RAI14: variants seen among roughly 807,000 people sequenced by gnomAD.
RAI14 encodes the protein ankycorbin.
Under a neutral mutation model 115.4 loss-of-function variants are expected in RAI14, and 45 were observed. That is an observed-to-expected ratio of 0.39 (90% CI 0.31 to 0.50). The LOEUF (loss-of-function observed/expected upper bound fraction) is 0.50, where lower values mean the gene tolerates loss of function less well. RAI14 is among the 20% of genes least tolerant of loss of function. The pLI, the probability that RAI14 is intolerant of heterozygous loss-of-function variation, is 0.85. For missense variants in RAI14, 939 were observed against 1,131.2 expected, an observed-to-expected ratio of 0.83 and a Z score of 2.44; for synonymous variants, 371 against 415.4, an observed-to-expected ratio of 0.89 and a Z score of 1.30.
chr5:34,807,842 G>C lies in RAI14; in HGVS notation c.364G>C (p.Ala122Pro), dbSNP rs1755110544. The stretch of plus-strand genomic sequence containing the variant: ...AAGTGTCGACAGCTCTGGGAAAACA[G>C]CTTTACATTATGCAGGTAACTTTCA... ...AESVDSSGKT[A>P]LHYAAAQGCL... is the part of the protein sequence containing the mutation. The change falls in exon 6 of 18, where the codon GCT becomes CCT. Residue 122 changes from alanine (A) to proline (P), a missense_variant. Transcript: ENST00000265109. 6.2e-7 allele frequency: 1 copy of C among 1,611,284 alleles called. No individual in the cohort carries two copies. Among genetic ancestry groups the C allele is most frequent in the African/African-American group, 1.3e-5 (1 of 75,006 alleles).
chr5:34,780,932 G>T (rs1308935670), intron 3 of RAI14, among the ~76,000 whole-genome samples: 2 of 152,110 alleles, frequency 1.3e-5, no homozygotes, highest in African/African-American at 4.8e-5. Context: ...TATGTTTATT[G>T]CGGCACTATT....
chr5:34,714,212 A>G (rs904366380), intron 2 of RAI14, among the ~76,000 whole-genome samples: 11 of 152,194 alleles, frequency 7.2e-5, no homozygotes, highest in South Asian at 2.1e-4. Context: ...AAGCTCTATT[A>G]CCATATTTCT....
intron 2 of RAI14, among the ~76,000 whole-genome samples, chr5:34,707,696 G>T (rs1350894389): frequency 6.6e-6 from 1 of 152,106 alleles, no homozygotes; most frequent in Admixed American, 6.5e-5. Flanking sequence ...AGTCTCCCCA[G>T]TACCTCGTCA....
chr5:34,672,841 A>G (rs896707513), intron 1 of RAI14, among the ~76,000 whole-genome samples: 2 of 145,748 alleles, frequency 1.4e-5, no homozygotes, highest in East Asian at 2.0e-4. Context: ...TTCTCACCCC[A>G]TACCCCAGGG....
intron 12 of RAI14, among the ~76,000 whole-genome samples, chr5:34,816,766 A>G (rs1033402349): frequency 6.6e-6 from 1 of 152,144 alleles, no homozygotes; most frequent in African/African-American, 2.4e-5. Flanking sequence ...ATGAATTTCT[A>G]TGTAAGACAA....
At chr5:34,826,251 G>C (rs532748978) in intron 15 of RAI14, 79 bp from the exon 16 acceptor site, 2 of 1,413,412 alleles carry the variant, frequency 1.4e-6, no homozygotes, top group Admixed American at 2.0e-5. Context: ...AGATGACTAT[G>C]TTTGAGGCTT....
At chr5:34,785,119 T>G (rs889519326) in intron 3 of RAI14, among the ~76,000 whole-genome samples, 9 of 152,232 alleles carry the variant, frequency 5.9e-5, no homozygotes, top group Non-Finnish European at 1.3e-4. Flanking sequence ...GTCCTTTTCC[T>G]AATTGTTCAT....
intron 3 of RAI14, among the ~76,000 whole-genome samples, chr5:34,768,903 C>T (rs867379913): frequency 4.0e-5 from 6 of 151,800 alleles, no homozygotes; most frequent in African/African-American, 1.5e-4. Flanking sequence ...GCACATGAAT[C>T]GCTTGAACCT....
Position 34,752,725 on chromosome 5 carries a change from GTGTGTGTGTGTGTGTGTGTGTGTGTATA to G in RAI14, c.37-4741_37-4714del, listed in dbSNP as rs1747228447. The stretch of plus-strand genomic sequence containing the variant: ...TATATGTGTGTGTGTGTGTGTGTGT[GTGTGTGTGTGTGTGTGTGTGTGTGTATA>G]TATATATATATATGTATCTTTTCTT... On this transcript the variant is annotated intron_variant, in intron 2 of 17. Coordinates refer to ENST00000265109, the MANE Select transcript of RAI14 (RefSeq NM_015577.3). Among the ~76,000 whole-genome samples the G allele has an allele frequency of 1.1e-4, 9 of 80,362 alleles. 1 individual carries two copies. The highest frequency in any genetic ancestry group is 3.4e-4 in the African/African-American group (5 of 14,750). 52.7% of individuals were successfully genotyped at this position (80,362 alleles called of 152,430 possible).
intron 2 of RAI14, among the ~76,000 whole-genome samples, chr5:34,729,019 A>T (rs1162445759): frequency 6.6e-6 from 1 of 152,224 alleles, no homozygotes; most frequent in Non-Finnish European, 1.5e-5. Context: ...TCTACAGGGA[A>T]TGAGTGAGGG....
intron 2 of RAI14, among the ~76,000 whole-genome samples, chr5:34,744,776 T>C (rs1745951956): frequency 6.6e-6 from 1 of 152,194 alleles, no homozygotes; most frequent in Non-Finnish European, 1.5e-5. Context: ...GACCACAAAC[T>C]GGGTGGCTTA....
At chr5:34,731,492 G>A (rs1045734164) in intron 2 of RAI14, among the ~76,000 whole-genome samples, 2 of 152,308 alleles carry the variant, frequency 1.3e-5, no homozygotes, top group East Asian at 3.9e-4. Context: ...GAACGGGCAA[G>A]AGAAAATGGC....
chr5:34,698,196 C>T (rs1317643476), intron 2 of RAI14, among the ~76,000 whole-genome samples: 1 of 86,288 alleles, frequency 1.2e-5, no homozygotes, highest in African/African-American at 4.3e-5. Flanking sequence ...CCCTTCCCCT[C>T]CCTCTCTCCC....
At chr5:34,753,771 G>A (rs865981376) in intron 2 of RAI14, among the ~76,000 whole-genome samples, 1 of 152,140 alleles carries the variant, frequency 6.6e-6, no homozygotes, top group Non-Finnish European at 1.5e-5. Context: ...AAAATTAGCT[G>A]GGCGTGGTGG....
At chr5:34,696,788 G>A (rs1446846318) in intron 2 of RAI14, among the ~76,000 whole-genome samples, 1 of 152,234 alleles carries the variant, frequency 6.6e-6, no homozygotes, top group African/African-American at 2.4e-5. Flanking sequence ...GTAGAAGTCT[G>A]TTGCAGCATG....
At position 34,823,781 on chromosome 5, in the gene RAI14, G is replaced by A; in HGVS notation, c.1939G>A (p.Glu647Lys). The A allele has an allele frequency of 2.5e-6, 4 of 1,614,162 alleles. No individual in the cohort carries two copies. The highest frequency in any genetic ancestry group is 3.4e-6 in the Non-Finnish European group (4 of 1,180,008). The change falls in exon 15 of 18, where the codon GAG (glutamate) becomes AAG (lysine). Residue 647 changes from glutamate to lysine, a missense_variant. By Grantham distance (56) the Glu-to-Lys change is moderately conservative. Coordinates refer to ENST00000265109, the MANE Select transcript of RAI14 (RefSeq NM_015577.3). This position sits in a 1 kb window ranked among gnomAD's most constrained non-coding sequence, Gnocchi z 4.5. ...AGATGAACTCAATAAACAGGTGAGCGAGCTGTCACAGCTGTACAAAGAAGC... is the reference window on the plus strand; with the variant it reads ...AGATGAACTCAATAAACAGGTGAGCAAGCTGTCACAGCTGTACAAAGAAGC... ...MIDELNKQVS[E>K]LSQLYKEAQA...
rs1373847448 is a variant in RAI14 at position 34,827,402 on chromosome 5, T to A, written c.2799+923T>A. ...GTGGACATCTTTCAAGAGCCATTATTTAGCTTACCACAATATCTGTTAAGG... is the reference window on the plus strand; with the variant it reads ...GTGGACATCTTTCAAGAGCCATTATATAGCTTACCACAATATCTGTTAAGG... On this transcript the variant is annotated intron_variant, in intron 16 of 17. Coordinates refer to ENST00000265109, the MANE Select transcript of RAI14 (RefSeq NM_015577.3). The surrounding 1 kb of genome is among the most constrained non-coding windows in gnomAD (Gnocchi z 4.2). Among the ~76,000 whole-genome samples the A allele has an allele frequency of 6.6e-6, 1 of 152,224 alleles. No homozygotes were observed. The highest frequency in any genetic ancestry group is 1.5e-5 in the Non-Finnish European group (1 of 68,040).
chr5:34,739,457 G>C (rs1020084999), intron 2 of RAI14, among the ~76,000 whole-genome samples: 1 of 152,146 alleles, frequency 6.6e-6, no homozygotes, highest in Non-Finnish European at 1.5e-5. Context: ...GTTTGGATTT[G>C]CTAGAATAGA....
intron 2 of RAI14, among the ~76,000 whole-genome samples, chr5:34,708,845 T>C (rs1336704029): frequency 6.6e-6 from 1 of 152,102 alleles, no homozygotes; most frequent in African/African-American, 2.4e-5. Context: ...ATTGCCAATC[T>C]AATAATGATA....
Sources: allele counts gnomAD v4.1 joint callset (sites outside exome capture counted in the v4.1 genomes callset), GRCh38; gene constraint gnomAD v4.1.1; non-coding constraint Gnocchi (gnomAD v3.1); transcripts MANE v1.5; gene names NCBI Gene and HGNC (gene_info 2026-07-23, HGNC 2026-07-21).